Variants in RNF144A observed in about 807,000 individuals in gnomAD.
RNF144A encodes the protein ring finger protein 144A.
Under a neutral mutation model 38.7 loss-of-function variants are expected in RNF144A, and 11 were observed. The observed-to-expected ratio is 0.28, with a 90% CI of 0.18 to 0.47. RNF144A has a LOEUF of 0.47. Among genes scored for constraint, RNF144A ranks in the 20% least tolerant of loss-of-function variants. The pLI is 0.99. For missense variants in RNF144A, 316 were observed against 377.2 expected (o/e 0.84, Z 1.34); for synonymous variants, 149 against 143.9 (o/e 1.04, Z -0.25).
chr2:6,940,923 C>G (rs1344787968), intron 1 of RNF144A, 25 bp from the exon 2 acceptor site: 1 of 152,346 alleles, frequency 6.6e-6, no homozygotes, highest in Non-Finnish European at 1.5e-5. Flanking sequence ...CCTCTAACTG[C>G]CTGTGTTCTT....
chr2:6,990,275 C>T (rs1188498653), intron 2 of RNF144A, among the ~76,000 whole-genome samples: 1 of 151,884 alleles, frequency 6.6e-6, no homozygotes, highest in Non-Finnish European at 1.5e-5. Context: ...AGCATGGGAG[C>T]TCTCTCGTCC....
chr2:7,036,116 G>A (rs1368134659), intron 8 of RNF144A, among the ~76,000 whole-genome samples: 4 of 152,164 alleles, frequency 2.6e-5, no homozygotes, highest in African/African-American at 7.2e-5. Flanking sequence ...CTGTGCATTC[G>A]CTGTGCACAC....
At position 6,955,370 on chromosome 2, in the gene RNF144A, C is replaced by G. The variant is rs182938787; in HGVS notation, c.-12+14223C>G. Among the ~76,000 whole-genome samples, 14 of 152,222 alleles carry G rather than the reference C, an allele frequency of 9.2e-5. No homozygotes were observed. In the East Asian group the frequency reaches 2.7e-3, roughly 29 times the overall value. On this transcript the variant is annotated intron_variant, in intron 2 of 8. Coordinates refer to ENST00000320892, the MANE Select transcript of RNF144A (RefSeq NM_014746.6). ...CAACTAAGGCTTCCCCTCTGTGGTTCCCCTCTGTGAAACCCACAAGAACAT... is the reference window on the plus strand; with the variant it reads ...CAACTAAGGCTTCCCCTCTGTGGTTGCCCTCTGTGAAACCCACAAGAACAT...
intron 3 of RNF144A, among the ~76,000 whole-genome samples, chr2:7,001,160 C>T (rs987944228): frequency 2.0e-5 from 3 of 151,808 alleles, no homozygotes; most frequent in Non-Finnish European, 2.9e-5. Flanking sequence ...AGTATCTGGG[C>T]GTGGTGGCGT....
At chr2:7,000,827 C>T (rs1670047225) in intron 3 of RNF144A, among the ~76,000 whole-genome samples, 2 of 150,546 alleles carry the variant, frequency 1.3e-5, no homozygotes, top group Admixed American at 6.7e-5. Flanking sequence ...ATAAAACATA[C>T]ATATACACAT....
At chr2:7,004,714 A>C (rs776654286) in intron 3 of RNF144A, among the ~76,000 whole-genome samples, 1 of 152,102 alleles carries the variant, frequency 6.6e-6, no homozygotes, top group Non-Finnish European at 1.5e-5. Flanking sequence ...TCAATTTCCC[A>C]TACTGAGCCA....
At chr2:7,074,407 T>C in the RNF144A span, 1 of 152,240 alleles carries the variant, frequency 6.6e-6, no homozygotes, top group African/African-American at 2.4e-5. Flanking sequence ...AATGTAATCT[T>C]AATATACAAT....
intron 2 of RNF144A, among the ~76,000 whole-genome samples, chr2:6,983,042 G>A (rs73914447): frequency 2.9e-3 from 444 of 152,296 alleles, no homozygotes; most frequent in African/African-American, 0.01. Flanking sequence ...TCCTAGAGGT[G>A]CTGCAGTTTC....
intron 2 of RNF144A, among the ~76,000 whole-genome samples, chr2:6,992,065 C>T (rs922039865): frequency 6.6e-6 from 1 of 152,144 alleles, no homozygotes; most frequent in Non-Finnish European, 1.5e-5. Context: ...AGGCCAGGGC[C>T]TTGTAGACAG....
intron 6 of RNF144A, 83 bp downstream of exon 6, chr2:7,020,763 TAC>T (rs1671473889): frequency 7.6e-7 from 1 of 1,317,838 alleles, no homozygotes; most frequent in South Asian, 1.2e-5. Flanking sequence ...AAAGTGCTGT[TAC>T]AGTGTAAGTG....
intron 1 of RNF144A, among the ~76,000 whole-genome samples, chr2:6,920,750 T>C (rs1664490840): frequency 6.6e-6 from 1 of 152,252 alleles, no homozygotes; most frequent in Admixed American, 6.5e-5. Context: ...GCCTCCTTTC[T>C]CCGTTGTTTC....
chr2:7,021,024 T>C (rs1296062609), intron 6 of RNF144A, among the ~76,000 whole-genome samples: 2 of 152,092 alleles, frequency 1.3e-5, no homozygotes, highest in Non-Finnish European at 2.9e-5. Flanking sequence ...GACTTCACTG[T>C]GTTGAAGGTG....
At chr2:6,973,421 C>T (rs1668110712) in intron 2 of RNF144A, among the ~76,000 whole-genome samples, 1 of 152,278 alleles carries the variant, frequency 6.6e-6, no homozygotes, top group East Asian at 1.9e-4. Flanking sequence ...GCATGTAAGG[C>T]CCTCGTATTG....
At chr2:7,074,397 A>G in the RNF144A span, 1 of 152,188 alleles carries the variant, frequency 6.6e-6, no homozygotes, top group African/African-American at 2.4e-5. Flanking sequence ...GCCCATACCA[A>G]ATGTAATCTT....
chr2:6,985,712 G>T (rs1287063599), intron 2 of RNF144A, among the ~76,000 whole-genome samples: 1 of 152,194 alleles, frequency 6.6e-6, no homozygotes, highest in African/African-American at 2.4e-5. Context: ...TTGCTCTGTT[G>T]CACAGGCTGG....
At position 6,944,808 on chromosome 2, in the gene RNF144A, T is replaced by A. The variant is rs191708973; in HGVS notation, c.-12+3661T>A. ...TCTGTCTCAAACAAATTCCAAGAAC[T>A]GTGAAATGGCTTCATATTCACAAAA... On this transcript the variant is annotated intron_variant, in intron 2 of 8. Coordinates refer to ENST00000320892, the MANE Select transcript of RNF144A (RefSeq NM_014746.6). The surrounding 1 kb of genome is among the most constrained non-coding windows in gnomAD (Gnocchi z 4.7). Among the ~76,000 whole-genome samples the A allele has an allele frequency of 6.6e-6, 1 of 152,216 alleles. No individual in the cohort carries two copies. Among genetic ancestry groups the A allele is most frequent in the South Asian group, 2.1e-4 (1 of 4,834 alleles).
At chr2:7,013,559 G>A (rs1172591031) in intron 3 of RNF144A, among the ~76,000 whole-genome samples, 2 of 152,084 alleles carry the variant, frequency 1.3e-5, no homozygotes, top group Non-Finnish European at 2.9e-5. Flanking sequence ...GCCGTTGTAG[G>A]ATTTTACATC....
chr2:7,010,719 T>G (rs1020622779), intron 3 of RNF144A, among the ~76,000 whole-genome samples: 6 of 152,114 alleles, frequency 3.9e-5, no homozygotes, highest in African/African-American at 1.4e-4. Flanking sequence ...TCTGTGTGGC[T>G]GATGCCTTTT....
intron 1 of RNF144A, chr2:6,918,656 C>T (rs1285164162): frequency 7.2e-6 from 1 of 139,286 alleles, no homozygotes; most frequent in Non-Finnish European, 1.5e-5. Context: ...CCCAGCTACT[C>T]GGGAGGCTGA....
Sources: gnomAD v4.1 joint callset for allele counts (sites outside exome capture counted in the v4.1 genomes callset) on GRCh38, gnomAD v4.1.1 for gene constraint, Gnocchi (gnomAD v3.1) non-coding constraint, MANE v1.5 for transcripts, NCBI Gene and HGNC (gene_info 2026-07-23, HGNC 2026-07-21) for gene names.